Variants in PPIP5K2 observed in about 807,000 individuals in gnomAD.
PPIP5K2 encodes inositol hexakisphosphate and diphosphoinositol-pentakisphosphate kinase 2.
A neutral mutation model predicts 154.6 loss-of-function variants in PPIP5K2; 105 were observed. The ratio of observed to expected loss-of-function variants is 0.68; its 90% confidence interval spans 0.58 to 0.80. The LOEUF (loss-of-function observed/expected upper bound fraction) is 0.80, where lower values mean the gene tolerates loss of function less well. Among genes scored for constraint, PPIP5K2 ranks in the 30% least tolerant of loss-of-function variants. PPIP5K2 has a pLI of 0.00. For missense variants in PPIP5K2, 992 were observed against 1,504.6 expected (o/e 0.66, Z 5.64); for synonymous variants, 480 against 490.3 (o/e 0.98, Z 0.28).
chr5:103,160,122 A>C (rs1210908668), intron 17 of PPIP5K2, among the ~76,000 whole-genome samples: 2 of 152,130 alleles, frequency 1.3e-5, no homozygotes, highest in African/African-American at 4.8e-5. Context: ...AGGCTAGATG[A>C]TGATACTTCA....
At chr5:103,159,092 T>A in intron 16 of PPIP5K2, 54 bp from the exon 17 acceptor site, 1 of 1,252,388 alleles carries the variant, frequency 8.0e-7, no homozygotes, top group Non-Finnish European at 1.1e-6. Flanking sequence ...TAACAAAATA[T>A]TATTTTACGT....
At position 103,203,984 on chromosome 5, in the gene PPIP5K2, G is replaced by A. The variant is rs1309417005; in HGVS notation, c.*2350G>A. 1.3e-5 allele frequency: 2 copies of A among 152,162 alleles called. No individual in the cohort carries two copies. The highest frequency in any genetic ancestry group is 1.9e-4 in the East Asian group (1 of 5,196). 9.4% of individuals were successfully genotyped at this position (152,162 alleles called of 1,614,324 possible). Reference sequence around the variant, plus strand: ...TAAAGTAACAAAAACATGTGGCAGTGTGCTTAGCATAAACATAGAGCACAA... The same window carrying A: ...TAAAGTAACAAAAACATGTGGCAGTATGCTTAGCATAAACATAGAGCACAA... On this transcript the variant is annotated 3_prime_UTR_variant, in exon 31 of 31. Transcript: ENST00000358359.
At chr5:103,195,175 T>G in intron 30 of PPIP5K2, 150 bp downstream of exon 30, 1 of 966,836 alleles carries the variant, frequency 1.0e-6, no homozygotes, top group Non-Finnish European at 1.5e-6. Flanking sequence ...ATTATTGTAG[T>G]CAATTGATAT....
intron 17 of PPIP5K2, among the ~76,000 whole-genome samples, chr5:103,164,222 TC>T (rs1159903410): frequency 1.3e-5 from 2 of 151,978 alleles, no homozygotes; most frequent in Non-Finnish European, 2.9e-5. Context: ...TTTCCCTTTT[TC>T]TTTCATAACA....
intron 27 of PPIP5K2, 50 bp downstream of exon 27, chr5:103,186,489 C>T: frequency 6.2e-7 from 1 of 1,605,462 alleles, no homozygotes; most frequent in Non-Finnish European, 8.5e-7. Flanking sequence ...CATGCACACA[C>T]CCATGAGCAG....
chr5:103,158,471 T>C lies in PPIP5K2; in HGVS notation c.1635T>C (p.Pro545=). ...TTTCAGGAGATTATGCAGGATTTCC[T>C]GGTTGTGGTTTACTTAGATTACATA... ...PGGQGDYAGF[P]GCGLLRLHST... The change falls in exon 16 of 31, where the codon CCT becomes CCC. Residue 545 remains proline, a synonymous_variant. Coordinates refer to ENST00000358359, the MANE Select transcript of PPIP5K2 (RefSeq NM_001276277.3). The C allele has an allele frequency of 1.2e-6, 2 of 1,606,222 alleles. No individual in the cohort carries two copies. Among genetic ancestry groups the C allele is most frequent in the Non-Finnish European group, 8.5e-7 (1 of 1,178,146 alleles).
chr5:103,175,388 GA>G lies in PPIP5K2; in HGVS notation c.2529+1424del, dbSNP rs1261313228. On this transcript the variant is annotated intron_variant, in intron 21 of 30. Coordinates refer to ENST00000358359, the MANE Select transcript of PPIP5K2 (RefSeq NM_001276277.3). The stretch of plus-strand genomic sequence containing the variant: ...CTTACATAAGTATGTGGATTAGTGG[GA>G]AAAAAAATGACCCTTAATTAGCAAG... Among the ~76,000 whole-genome samples, 44 of 135,588 alleles carry G rather than the reference GA, an allele frequency of 3.2e-4. No individual in the cohort carries two copies. In the East Asian group the frequency reaches 7.7e-3, roughly 24 times the overall value. The allele number at this position is 135,588 out of a possible 152,430, so 89.0% of individuals were successfully genotyped here.
intron 25 of PPIP5K2, 65 bp from the exon 26 acceptor site, chr5:103,184,607 A>G: frequency 3.2e-6 from 4 of 1,240,464 alleles, no homozygotes; most frequent in Admixed American, 1.7e-5. Flanking sequence ...CAGGCTGCAT[A>G]TGAAGTATAG....
At chr5:103,144,390 A>T (rs1409134694) in intron 5 of PPIP5K2, among the ~76,000 whole-genome samples, 1 of 152,196 alleles carries the variant, frequency 6.6e-6, no homozygotes, top group African/African-American at 2.4e-5. Flanking sequence ...TGCAGTCAGA[A>T]TAGCAAAGAC....
chr5:103,127,186 A>T (rs935845015), intron 1 of PPIP5K2, among the ~76,000 whole-genome samples: 1 of 152,258 alleles, frequency 6.6e-6, no homozygotes, highest in Non-Finnish European at 1.5e-5. Flanking sequence ...ATACAGTTTT[A>T]AAATAATGTC....
intron 7 of PPIP5K2, among the ~76,000 whole-genome samples, chr5:103,148,884 T>C (rs1021966300): frequency 7.2e-5 from 11 of 152,112 alleles, no homozygotes; most frequent in African/African-American, 2.7e-4. Context: ...TCACATTGTA[T>C]ACATCCTAGT....
chr5:103,178,362 T>C (rs1554221682), intron 23 of PPIP5K2, among the ~76,000 whole-genome samples: 1 of 151,922 alleles, frequency 6.6e-6, no homozygotes, highest in African/African-American at 2.4e-5. Context: ...CTGCCACCTA[T>C]AGTACTACAT....
intron 29 of PPIP5K2, chr5:103,194,668 A>G (rs1580469759): frequency 2.9e-6 from 1 of 345,678 alleles, no homozygotes; most frequent in Non-Finnish European, 5.3e-6. Flanking sequence ...CCTTTGGTGC[A>G]TACTATTTAA....
At chr5:103,182,872 A>G (rs1398657076) in intron 24 of PPIP5K2, among the ~76,000 whole-genome samples, 1 of 152,166 alleles carries the variant, frequency 6.6e-6, no homozygotes, top group African/African-American at 2.4e-5. Context: ...GAAAACCTGT[A>G]TATTTTAAAA....
In PPIP5K2 at chr5:103,203,695, G is replaced by A. The variant is rs1554231436; in HGVS notation, c.*2061G>A. The A allele has an allele frequency of 6.6e-6, 1 of 152,132 alleles. No individual in the cohort carries two copies. The highest frequency in any genetic ancestry group is 1.5e-5 in the Non-Finnish European group (1 of 68,018). 9.4% of individuals were successfully genotyped at this position (152,132 alleles called of 1,614,324 possible). On this transcript the variant is annotated 3_prime_UTR_variant, in exon 31 of 31. Transcript: ENST00000358359. ...GTGAACTAGCCCAGCATGAAGAATT[G>A]TCTAGTCACCCTGAGATATTAATCT...
intron 26 of PPIP5K2, among the ~76,000 whole-genome samples, chr5:103,185,578 A>G (rs781918202): frequency 2.0e-5 from 3 of 152,044 alleles, no homozygotes; most frequent in Admixed American, 1.3e-4. Context: ...ATCATAGTAT[A>G]TTTTATAGAA....
chr5:103,143,301 G>A lies in PPIP5K2; in HGVS notation c.488-3226G>A, dbSNP rs114132593. Among the ~76,000 whole-genome samples the A allele has an allele frequency of 1.7e-3, 263 of 152,244 alleles. 1 individual carries two copies. Among genetic ancestry groups the A allele is most frequent in the African/African-American group, 6.1e-3 (252 of 41,528 alleles). Reference sequence around the variant, plus strand: ...TAGCCTCGACTCCCAAGTGATTCTCGCACTTCAGCTTCCTGAGTAGCTGGG... The same window carrying A: ...TAGCCTCGACTCCCAAGTGATTCTCACACTTCAGCTTCCTGAGTAGCTGGG... On this transcript the variant is annotated intron_variant, in intron 5 of 30. Transcript: ENST00000358359.
At chr5:103,167,025 C>T (rs1298953238) in intron 17 of PPIP5K2, among the ~76,000 whole-genome samples, 154 bp from the exon 18 acceptor site, 2 of 151,804 alleles carry the variant, frequency 1.3e-5, no homozygotes, top group Non-Finnish European at 2.9e-5. Context: ...GCAGTTCAAA[C>T]CTGTGGTGTT....
intron 17 of PPIP5K2, among the ~76,000 whole-genome samples, chr5:103,160,332 G>A (rs880000237): frequency 3.3e-5 from 5 of 152,012 alleles, no homozygotes; most frequent in Non-Finnish European, 7.4e-5. Flanking sequence ...AGTTTTTTGA[G>A]CAATGTTCAT....
Sources: gnomAD v4.1 joint callset for allele counts (sites outside exome capture counted in the v4.1 genomes callset) on GRCh38, gnomAD v4.1.1 for gene constraint, MANE v1.5 for transcripts, NCBI Gene and HGNC (gene_info 2026-07-23, HGNC 2026-07-21) for gene names.